The following FCRL2 variants were observed in gnomAD, a reference collection of about 807,000 sequenced individuals.
FCRL2 encodes the protein Fc receptor like 2.
A neutral mutation model predicts 59.8 loss-of-function variants in FCRL2; 48 were observed. The observed-to-expected ratio is 0.80, with a 90% CI of 0.64 to 1.02. The LOEUF is 1.02. FCRL2 is among the 50% of genes least tolerant of loss of function. FCRL2 has a pLI of 0.00. For synonymous variants in FCRL2, 251 were observed against 229.5 expected (o/e 1.09, Z -0.85); for missense variants, 658 against 597.3 (o/e 1.10, Z -1.06).
intron 7 of FCRL2, among the ~76,000 whole-genome samples, chr1:157,759,987 G>T (rs1648897661): frequency 6.6e-6 from 1 of 152,160 alleles, no homozygotes; most frequent in African/African-American, 2.4e-5. Flanking sequence ...AAAGACACAT[G>T]CATGTATATG....
At position 157,767,327 on chromosome 1, in the gene FCRL2, G is replaced by T; in HGVS notation, c.1066C>A (p.Leu356Ile). Residue 356 changes from leucine to isoleucine, a missense_variant, in exon 6 of 12, where the codon CTC becomes ATC. Transcript: ENST00000361516. ...APSGGGASFN[L>I]SLTAEHSGNY... ...CCAGAATGTTCTGCAGTCAAAGAGA[G>T]GTTGAAGGAGGCCCCTCCTCCAGAG... 6.2e-7 allele frequency: 1 copy of T among 1,614,240 alleles called. No individual in the cohort carries two copies. Among genetic ancestry groups the T allele is most frequent in the Non-Finnish European group, 8.5e-7 (1 of 1,180,040 alleles).
chr1:157,767,487 G>A lies in FCRL2; in HGVS notation c.906C>T (p.Leu302=), dbSNP rs1277394781. 1 of 1,614,248 alleles carries A rather than the reference G, an allele frequency of 6.2e-7. No homozygotes were observed. Among genetic ancestry groups the A allele is most frequent in the Admixed American group, 1.7e-5 (1 of 60,030 alleles). ...PVRIPVSRPV[L]TLRSPGAQAA... The stretch of plus-strand genomic sequence containing the variant: ...CCTGGGCCCCAGGAGACCTGAGGGT[G>A]AGGACAGGGCGAGACACTGGAACTG... Residue 302 remains leucine (L), a synonymous_variant, in exon 6 of 12, where the codon CTC becomes CTT. Coordinates refer to ENST00000361516, the MANE Select transcript of FCRL2 (RefSeq NM_030764.4).
At chr1:157,773,016 T>C (rs1282178794) in intron 2 of FCRL2, among the ~76,000 whole-genome samples, 2 of 152,168 alleles carry the variant, frequency 1.3e-5, no homozygotes, top group East Asian at 3.8e-4. Flanking sequence ...CTCCCTCCCC[T>C]GCATGCTGTT....
At chr1:157,766,822 C>T (rs777628519) in intron 7 of FCRL2, 33 bp downstream of exon 7, 1 of 1,613,686 alleles carries the variant, frequency 6.2e-7, no homozygotes. Flanking sequence ...AAGGTCATAG[C>T]AAAATATGGA....
chr1:157,769,387 A>T (rs920990438), intron 4 of FCRL2: 1 of 160,292 alleles, frequency 6.2e-6, no homozygotes, highest in African/African-American at 2.4e-5. Context: ...TCTGATTCTT[A>T]TGAAGTAGGA....
At chr1:157,759,514 T>A (rs12042912) in intron 7 of FCRL2, among the ~76,000 whole-genome samples, 6,270 of 152,106 alleles carry the variant, frequency 0.041, 398 homozygotes, top group African/African-American at 0.14. Context: ...AAACAATCTA[T>A]AGAATGGAAG....
chr1:157,761,945 G>C (rs1649133039), intron 7 of FCRL2, among the ~76,000 whole-genome samples: 1 of 152,168 alleles, frequency 6.6e-6, no homozygotes, highest in South Asian at 2.1e-4. Context: ...TAGAAAGGCT[G>C]GGCAAAAGAG....
intron 7 of FCRL2, among the ~76,000 whole-genome samples, chr1:157,755,195 C>A (rs11264813): frequency 6.6e-6 from 1 of 152,100 alleles, no homozygotes; most frequent in Non-Finnish European, 1.5e-5. Flanking sequence ...AGAGCTAATA[C>A]ATTTAGTATA....
At chr1:157,770,365 C>G (rs1022353272) in intron 3 of FCRL2, 44 bp downstream of exon 3, 3 of 1,590,258 alleles carry the variant, frequency 1.9e-6, no homozygotes, top group South Asian at 2.3e-5. Flanking sequence ...GCCTTGCTGC[C>G]GTGGTCTCTC....
chr1:157,748,781 G>T, intron 9 of FCRL2, 94 bp downstream of exon 9: 1 of 1,247,574 alleles, frequency 8.0e-7, no homozygotes, highest in Non-Finnish European at 1.2e-6. Context: ...CTCTGGTGTT[G>T]GGGTGTCTAC....
chr1:157,764,725 T>C (rs1455892457), intron 7 of FCRL2, among the ~76,000 whole-genome samples: 1 of 152,074 alleles, frequency 6.6e-6, no homozygotes, highest in Admixed American at 6.6e-5. Context: ...TAAACAACCA[T>C]TGGGTCAATG....
Position 157,775,778 on chromosome 1 carries a change from C to T in FCRL2, c.49G>A (p.Ala17Thr), listed in dbSNP as rs767250923. Reference sequence around the variant, plus strand: ...AACAAAGACAAGGAGGACTCACCTGCCTGTTCAGTGACTGCATCTGTGAGG... The same window carrying T: ...AACAAAGACAAGGAGGACTCACCTGTCTGTTCAGTGACTGCATCTGTGAGG... ...LVIFDAVTEQADSLTLVAPSS... is the reference protein window; with the variant it reads ...LVIFDAVTEQTDSLTLVAPSS... The change falls in exon 2 of 12, where the codon GCA (alanine) becomes ACA (threonine). Residue 17 changes from alanine (A) to threonine (T), a missense_variant. Physicochemically the swap from Ala to Thr is moderately conservative, Grantham distance 58. Transcript: ENST00000361516. 9 of 1,614,056 alleles carry T rather than the reference C, an allele frequency of 5.6e-6. No homozygotes were observed. In the South Asian group the frequency reaches 7.7e-5, roughly 14 times the overall value.
intron 10 of FCRL2, among the ~76,000 whole-genome samples, chr1:157,747,603 C>G (rs1322837742): frequency 1.3e-5 from 2 of 152,162 alleles, no homozygotes. Context: ...TGACCACTGA[C>G]CAGGAAATCA....
chr1:157,751,796 T>A (rs1648206680), intron 7 of FCRL2, among the ~76,000 whole-genome samples: 1 of 152,178 alleles, frequency 6.6e-6, no homozygotes, highest in Admixed American at 6.5e-5. Context: ...GAAGAATGAA[T>A]CACCTGCATC....
At position 157,754,163 on chromosome 1, in the gene FCRL2, G is replaced by T. The variant is rs527871862; in HGVS notation, c.1280-4486C>A. Among the ~76,000 whole-genome samples the T allele has an allele frequency of 5.9e-5, 9 of 152,260 alleles. No homozygotes were observed. The South Asian group carries it at 1.9e-3, about 32-fold the overall frequency. Reference sequence around the variant, plus strand: ...ACCTACTGGGCCCCATTCCCAGACAGTTAGGCATTCTAAGTCACAGGATGA... The same window carrying T: ...ACCTACTGGGCCCCATTCCCAGACATTTAGGCATTCTAAGTCACAGGATGA... On this transcript the variant is annotated intron_variant, in intron 7 of 11. Coordinates refer to ENST00000361516, the MANE Select transcript of FCRL2 (RefSeq NM_030764.4).
At chr1:157,766,238 A>G (rs1345689721) in intron 7 of FCRL2, among the ~76,000 whole-genome samples, 1 of 152,240 alleles carries the variant, frequency 6.6e-6, no homozygotes, top group Non-Finnish European at 1.5e-5. Context: ...TTGGGAGGCC[A>G]AGATGGGCGG....
chr1:157,751,010 A>G (rs1648143980), intron 7 of FCRL2, among the ~76,000 whole-genome samples: 1 of 152,210 alleles, frequency 6.6e-6, no homozygotes, highest in African/African-American at 2.4e-5. Flanking sequence ...AAATTGACAT[A>G]TGTCTATAAT....
At chr1:157,757,067 A>T (rs1483502802) in intron 7 of FCRL2, among the ~76,000 whole-genome samples, 1 of 152,138 alleles carries the variant, frequency 6.6e-6, no homozygotes, top group African/African-American at 2.4e-5. Flanking sequence ...TTGCAGTGTG[A>T]CTCTGTCATT....
intron 7 of FCRL2, among the ~76,000 whole-genome samples, chr1:157,760,707 G>GAAATAAAT (rs763431250): frequency 9.5e-5 from 10 of 104,926 alleles, no homozygotes; most frequent in South Asian, 3.1e-4. Context: ...AGGAAAGAAA[G>GAAATAAAT]AAAGAAAGAA....
Sources: gnomAD v4.1 joint callset for allele counts (sites outside exome capture counted in the v4.1 genomes callset) on GRCh38, gnomAD v4.1.1 for gene constraint, MANE v1.5 for transcripts, NCBI Gene and HGNC (gene_info 2026-07-23, HGNC 2026-07-21) for gene names.